Variants in MBNL2 observed in about 807,000 individuals in gnomAD.
MBNL2 encodes muscleblind like splicing regulator 2.
Under a neutral mutation model 41.9 loss-of-function variants are expected in MBNL2, and 17 were observed. The ratio of observed to expected loss-of-function variants is 0.41; its 90% CI spans 0.28 to 0.61. The LOEUF (loss-of-function observed/expected upper bound fraction) is 0.61. Among genes scored for constraint, MBNL2 ranks in the 20% least tolerant of loss-of-function variants. The pLI, the probability that MBNL2 is intolerant of heterozygous loss-of-function variation, is 0.35. For synonymous variants in MBNL2, 195 were observed against 182.9 expected, an observed-to-expected ratio of 1.07 and a Z score of -0.53; for missense variants, 336 against 505.6, an observed-to-expected ratio of 0.66 and a Z score of 3.22.
rs533663334 is a variant in MBNL2, at chr13:97,369,476, G to A, written c.1048+4305G>A. Among the ~76,000 whole-genome samples, 90 of 152,308 alleles carry A rather than the reference G, an allele frequency of 5.9e-4. 2 individuals are homozygous for A. The South Asian group carries it at 0.018, about 31-fold the overall frequency. The stretch of plus-strand genomic sequence containing the variant: ...AGTGAAACTAATGATTCCAGAGTTC[G>A]ATGACCGATAAGCACCCTGCCTTCT... On this transcript the variant is annotated intron_variant, in intron 8 of 8. Transcript: ENST00000679496.
intron 1 of MBNL2, among the ~76,000 whole-genome samples, chr13:97,263,678 T>C (rs988658360): frequency 1.3e-5 from 2 of 152,022 alleles, no homozygotes; most frequent in Non-Finnish European, 2.9e-5. Flanking sequence ...AGTGCGGTGG[T>C]GCTATCTCTG....
intron 8 of MBNL2, among the ~76,000 whole-genome samples, chr13:97,384,648 T>C (rs2065777717): frequency 6.6e-6 from 1 of 152,196 alleles, no homozygotes; most frequent in Admixed American, 6.5e-5. Context: ...AAACACAGAC[T>C]GGGAGGGTGA....
chr13:97,329,691 A>AACACAAACACACACAACAGAAAAT (rs2060235499), intron 2 of MBNL2, among the ~76,000 whole-genome samples: 1 of 234 alleles, frequency 4.3e-3, no homozygotes, highest in Admixed American at 0.062. Context: ...CAACACACAC[A>AACACAAACACACACAACAGAAAAT]ATACACACAC....
chr13:97,196,920 T>A, the MBNL2 span, among the ~76,000 whole-genome samples: 30 of 152,236 alleles, frequency 2.0e-4, no homozygotes, highest in Admixed American at 8.5e-4. Flanking sequence ...GTCCCTTTAA[T>A]GTCCCTTTTG....
the MBNL2 span, among the ~76,000 whole-genome samples, chr13:97,154,439 C>T: frequency 6.6e-6 from 1 of 152,054 alleles, no homozygotes; most frequent in African/African-American, 2.4e-5. Context: ...CTCAGCCTCC[C>T]GAGTAGCTGG....
At chr13:97,312,977 A>G (rs1471147329) in intron 2 of MBNL2, among the ~76,000 whole-genome samples, 2 of 152,254 alleles carry the variant, frequency 1.3e-5, no homozygotes, top group African/African-American at 4.8e-5. Flanking sequence ...ATTTGGTGCT[A>G]CATGCAACCA....
chr13:97,170,018 AACCATC>A, the MBNL2 span, among the ~76,000 whole-genome samples: 2 of 152,216 alleles, frequency 1.3e-5, no homozygotes, highest in African/African-American at 4.8e-5. Flanking sequence ...TCATCCAAAC[AACCATC>A]ACCTTACTGC....
chr13:97,357,450 T>G, intron 6 of MBNL2, 32 bp from the exon 7 acceptor site: 1 of 1,598,870 alleles, frequency 6.3e-7, no homozygotes. Context: ...TGCTTTAAGT[T>G]AGACATATCT....
chr13:97,159,225 GT>G, the MBNL2 span, among the ~76,000 whole-genome samples: 1 of 151,242 alleles, frequency 6.6e-6, no homozygotes, highest in East Asian at 1.9e-4. Context: ...CAACCCCTGC[GT>G]TTTTTTGTTT....
At chr13:97,385,409 A>T (rs2065843805) in intron 8 of MBNL2, among the ~76,000 whole-genome samples, 1 of 152,236 alleles carries the variant, frequency 6.6e-6, no homozygotes, top group East Asian at 1.9e-4. Flanking sequence ...TCCAAACTCA[A>T]CATTACAAAG....
At chr13:97,206,523 C>T in the MBNL2 span, among the ~76,000 whole-genome samples, 1 of 152,052 alleles carries the variant, frequency 6.6e-6, no homozygotes, top group Non-Finnish European at 1.5e-5. Flanking sequence ...CAATTGGCAA[C>T]ATTTAATATT....
chr13:97,371,876 A>G (rs1483052918), intron 8 of MBNL2, among the ~76,000 whole-genome samples: 2 of 152,266 alleles, frequency 1.3e-5, no homozygotes, highest in Non-Finnish European at 2.9e-5. Context: ...TGTGAAACTC[A>G]GTCCCTGCCA....
At chr13:97,344,718 G>C (rs532772423) in intron 4 of MBNL2, among the ~76,000 whole-genome samples, 1 of 152,214 alleles carries the variant, frequency 6.6e-6, no homozygotes, top group East Asian at 1.9e-4. Flanking sequence ...AAGTGTTTTG[G>C]GCTCCACCTG....
rs150531794 is a variant in MBNL2 at position 97,386,347 on chromosome 13, A to G, written c.1049-4975A>G. Among the ~76,000 whole-genome samples, 375 of 152,370 alleles carry G rather than the reference A, an allele frequency of 2.5e-3. 4 individuals carry two copies. The highest frequency in any genetic ancestry group is 6.8e-3 in the Middle Eastern group (2 of 294). ...AGCTGAATTTAGCCCAAAGATATAT[A>G]TGATCCTTCTGTGATGTGAATTCAT... On this transcript the variant is annotated intron_variant, in intron 8 of 8. Coordinates refer to ENST00000679496, the MANE Select transcript of MBNL2 (RefSeq NM_001382683.1).
the MBNL2 span, among the ~76,000 whole-genome samples, chr13:97,210,998 G>C: frequency 1.9e-4 from 29 of 152,140 alleles, no homozygotes; most frequent in African/African-American, 7.0e-4. Context: ...GGGAGAGGAA[G>C]GCAGGGGTTG....
chr13:97,340,839 A>G (rs2061388753), intron 3 of MBNL2, among the ~76,000 whole-genome samples: 1 of 152,214 alleles, frequency 6.6e-6, no homozygotes, highest in South Asian at 2.1e-4. Flanking sequence ...AGTGACATAT[A>G]TTTTTGAAGA....
chr13:97,357,235 T>C (rs1331318496), intron 6 of MBNL2, among the ~76,000 whole-genome samples: 1 of 152,178 alleles, frequency 6.6e-6, no homozygotes, highest in African/African-American at 2.4e-5. Context: ...TTTTTGTTGT[T>C]GTTGCTTGAT....
chr13:97,258,303 AAAGAT>A (rs1343642208), intron 1 of MBNL2, among the ~76,000 whole-genome samples: 2 of 152,044 alleles, frequency 1.3e-5, no homozygotes, highest in Non-Finnish European at 2.9e-5. Context: ...TAATTTCCTG[AAAGAT>A]AAGAGGAATT....
the MBNL2 span, among the ~76,000 whole-genome samples, chr13:97,198,113 T>C: frequency 5.3e-5 from 8 of 152,218 alleles, no homozygotes; most frequent in African/African-American, 1.9e-4. Flanking sequence ...GGGTGTTTAT[T>C]GGTGATATTA....
Sources: allele counts gnomAD v4.1 joint callset (sites outside exome capture counted in the v4.1 genomes callset), GRCh38; gene constraint gnomAD v4.1.1; transcripts MANE v1.5; gene names NCBI Gene and HGNC (gene_info 2026-07-23, HGNC 2026-07-21).